RANBP2: variants seen among roughly 807,000 people sequenced by gnomAD.
RANBP2 encodes RAN binding protein 2.
Under a neutral mutation model 303.6 loss-of-function variants are expected in RANBP2, and 57 were observed. The observed-to-expected ratio is 0.19, with a 90% CI of 0.15 to 0.23. The LOEUF is 0.23. RANBP2 is among the 10% of genes least tolerant of loss of function. The pLI is 1.00. For synonymous variants in RANBP2, 1,167 were observed against 1,301.5 expected (o/e 0.90, Z 2.23); for missense variants, 3,138 against 3,780.8 (o/e 0.83, Z 4.46).
At chr2:109,605,893 CAGTATAAATGTATGTTAAGA>C in the RANBP2 span, among the ~76,000 whole-genome samples, 2 of 152,144 alleles carry the variant, frequency 1.3e-5, no homozygotes, top group African/African-American at 4.8e-5. Flanking sequence ...AGCATGACAT[CAGTATAAATGTATGTTAAGA>C]AGGCTGTTAG....
the RANBP2 span, among the ~76,000 whole-genome samples, chr2:109,619,447 G>A: frequency 6.6e-6 from 1 of 152,130 alleles, no homozygotes; most frequent in Non-Finnish European, 1.5e-5. Flanking sequence ...CAGCCTCTGT[G>A]AAGCATTGAG....
At chr2:109,711,820 T>C in the RANBP2 span, among the ~76,000 whole-genome samples, 2 of 152,156 alleles carry the variant, frequency 1.3e-5, no homozygotes, top group Non-Finnish European at 2.9e-5. Flanking sequence ...GCATGGCACT[T>C]AGCACCTGAA....
At chr2:109,292,639 A>G in the RANBP2 span, among the ~76,000 whole-genome samples, 1 of 152,184 alleles carries the variant, frequency 6.6e-6, no homozygotes, top group African/African-American at 2.4e-5. Flanking sequence ...TTTTCTATCT[A>G]TAGACTCTGC....
chr2:109,297,906 C>T, the RANBP2 span, among the ~76,000 whole-genome samples: 4,495 of 152,120 alleles, frequency 0.03, 236 homozygotes, highest in African/African-American at 0.1. Flanking sequence ...ACAACCATGT[C>T]AATGCTCCCC....
chr2:109,060,998 C>T, the RANBP2 span, among the ~76,000 whole-genome samples: 1 of 152,058 alleles, frequency 6.6e-6, no homozygotes, highest in Non-Finnish European at 1.5e-5. Context: ...GGACATCCTT[C>T]TAGTAAGCGC....
chr2:108,824,156 A>G, the RANBP2 span, among the ~76,000 whole-genome samples: 2 of 61,564 alleles, frequency 3.2e-5, no homozygotes, highest in African/African-American at 9.2e-5. Flanking sequence ...ACTACACTAA[A>G]TTTAGAAAAA....
At chr2:109,702,575 G>A in the RANBP2 span, among the ~76,000 whole-genome samples, 1 of 152,118 alleles carries the variant, frequency 6.6e-6, no homozygotes, top group African/African-American at 2.4e-5. Flanking sequence ...CTCCACAAAG[G>A]GATAACAAAC....
chr2:109,692,098 T>C, the RANBP2 span, among the ~76,000 whole-genome samples: 2 of 152,180 alleles, frequency 1.3e-5, no homozygotes, highest in African/African-American at 4.8e-5. Context: ...CAGTTTTCAA[T>C]TTCTGCCTAT....
the RANBP2 span, among the ~76,000 whole-genome samples, chr2:109,140,591 C>T: frequency 6.6e-6 from 1 of 152,108 alleles, no homozygotes; most frequent in Non-Finnish European, 1.5e-5. Context: ...CCATGTTAAC[C>T]AGGATGGTCT....
chr2:109,303,411 A>G, the RANBP2 span, among the ~76,000 whole-genome samples: 3 of 152,244 alleles, frequency 2.0e-5, no homozygotes, highest in Admixed American at 6.5e-5. Flanking sequence ...CGCTCACACT[A>G]TATTTTTAAT....
At chr2:108,790,311 A>C (rs562914553), downstream of RANBP2, among the ~76,000 whole-genome samples, 1 of 152,292 alleles carries the variant, frequency 6.6e-6, no homozygotes, top group South Asian at 2.1e-4. Flanking sequence ...ACTGAGTTTT[A>C]TCATTTTTTA....
the RANBP2 span, among the ~76,000 whole-genome samples, chr2:108,952,529 T>C: frequency 1.3e-5 from 2 of 152,236 alleles, no homozygotes. Context: ...ATTTTTCATT[T>C]CAGATATACT....
chr2:108,911,616 C>CCTCAGTCACCCCGGGGGATTTTG, the RANBP2 span, among the ~76,000 whole-genome samples: 1 of 152,184 alleles, frequency 6.6e-6, no homozygotes, highest in Non-Finnish European at 1.5e-5. Context: ...CCAGGCAGTC[C>CCTCAGTCACCCCGGGGGATTTTG]CTCAGTCACC....
chr2:109,214,725 G>A, the RANBP2 span, among the ~76,000 whole-genome samples: 1 of 152,208 alleles, frequency 6.6e-6, no homozygotes, highest in Non-Finnish European at 1.5e-5. Flanking sequence ...CACTCCAGCT[G>A]CAACTCTGGT....
chr2:108,803,948 C>G, the RANBP2 span, among the ~76,000 whole-genome samples: 1 of 152,072 alleles, frequency 6.6e-6, no homozygotes, highest in Non-Finnish European at 1.5e-5. Flanking sequence ...GTGACTATAT[C>G]CTAAGTTATT....
At chr2:109,087,775 G>T in the RANBP2 span, among the ~76,000 whole-genome samples, 3 of 152,288 alleles carry the variant, frequency 2.0e-5, no homozygotes, top group South Asian at 6.2e-4. Context: ...AGATGCTGCA[G>T]GTGGGGCCCT....
At chr2:109,224,930 C>T in the RANBP2 span, among the ~76,000 whole-genome samples, 1 of 152,062 alleles carries the variant, frequency 6.6e-6, no homozygotes, top group African/African-American at 2.4e-5. Context: ...CTAGTGGCTA[C>T]TCTAATGGAC....
chr2:109,258,545 G>A, the RANBP2 span, among the ~76,000 whole-genome samples: 5 of 152,138 alleles, frequency 3.3e-5, no homozygotes, highest in Non-Finnish European at 7.4e-5. Flanking sequence ...TATGGGTGGT[G>A]CCACCAATCC....
chr2:109,377,738 A>G, the RANBP2 span, among the ~76,000 whole-genome samples: 1 of 152,214 alleles, frequency 6.6e-6, no homozygotes, highest in Non-Finnish European at 1.5e-5. Flanking sequence ...AGCGTGCCTC[A>G]TCAGACCACT....
Sources: gnomAD v4.1 joint callset for allele counts (sites outside exome capture counted in the v4.1 genomes callset) on GRCh38, gnomAD v4.1.1 for gene constraint, MANE v1.5 for transcripts, NCBI Gene and HGNC (gene_info 2026-07-23, HGNC 2026-07-21) for gene names.